B4GALT4: variants seen among roughly 807,000 people sequenced by gnomAD.
The protein encoded by B4GALT4 is N-acetyllactosamine synthase.
B4GALT4 carries 27 observed loss-of-function variants against 37.3 expected under a neutral mutation model. The ratio of observed to expected loss-of-function variants is 0.72; its 90% confidence interval spans 0.53 to 1.00. The LOEUF (loss-of-function observed/expected upper bound fraction) is 1.00. Ranked by LOEUF, B4GALT4 falls within the 50% of genes least tolerant of loss-of-function variation. The pLI is 0.00. For missense variants in B4GALT4, 372 were observed against 413.1 expected, an observed-to-expected ratio of 0.90 and a Z score of 0.86; for synonymous variants, 148 against 154.1, an observed-to-expected ratio of 0.96 and a Z score of 0.29.
intron 5 of B4GALT4, among the ~76,000 whole-genome samples, chr3:119,219,174 C>T (rs1240963769): frequency 6.6e-6 from 1 of 152,290 alleles, no homozygotes; most frequent in Admixed American, 6.5e-5. Context: ...AGCACGAATG[C>T]GTGTCATGAT....
At chr3:119,218,290 A>G (rs1271516004) in intron 6 of B4GALT4, among the ~76,000 whole-genome samples, 3 of 152,178 alleles carry the variant, frequency 2.0e-5, no homozygotes, top group Non-Finnish European at 4.4e-5. Context: ...TGTGTCCCCA[A>G]GGGGTCTGAC....
chr3:119,231,293 A>G (rs1283967920), intron 2 of B4GALT4, among the ~76,000 whole-genome samples: 1 of 152,178 alleles, frequency 6.6e-6, no homozygotes, highest in Non-Finnish European at 1.5e-5. Context: ...AAAATACACT[A>G]AAGTGGTAAA....
intron 5 of B4GALT4, 133 bp downstream of exon 5, chr3:119,223,925 A>T: frequency 1.2e-6 from 1 of 858,192 alleles, no homozygotes; most frequent in Non-Finnish European, 1.7e-6. Context: ...TTGCACTTTA[A>T]GTGATGCATA....
intron 5 of B4GALT4, among the ~76,000 whole-genome samples, chr3:119,222,258 T>G (rs1323321781): frequency 6.6e-6 from 1 of 152,210 alleles, no homozygotes; most frequent in African/African-American, 2.4e-5. Flanking sequence ...GATGGTGACA[T>G]GCTTTTGAAA....
chr3:119,233,818 T>C (rs1223376328), intron 2 of B4GALT4, among the ~76,000 whole-genome samples: 1 of 152,164 alleles, frequency 6.6e-6, no homozygotes, highest in East Asian at 1.9e-4. Flanking sequence ...AATTCTTACC[T>C]ATCTTTCTAA....
At chr3:119,231,881 G>A (rs563749069) in intron 2 of B4GALT4, among the ~76,000 whole-genome samples, 4 of 145,054 alleles carry the variant, frequency 2.8e-5, no homozygotes, top group African/African-American at 1.0e-4. Flanking sequence ...ATATATTTTT[G>A]TATATCACAT....
chr3:119,218,832 AG>A, intron 5 of B4GALT4, 60 bp from the exon 6 acceptor site: 1 of 1,596,774 alleles, frequency 6.3e-7, no homozygotes, highest in Non-Finnish European at 8.5e-7. Flanking sequence ...CTCTGATTTC[AG>A]GGCTGGCGTT....
chr3:119,221,308 A>G (rs897863120), intron 5 of B4GALT4, among the ~76,000 whole-genome samples: 1 of 152,216 alleles, frequency 6.6e-6, no homozygotes, highest in African/African-American at 2.4e-5. Context: ...TGGCTTCATC[A>G]GAGTCTGAGA....
intron 2 of B4GALT4, chr3:119,233,297 G>A (rs532071527): frequency 5.9e-5 from 9 of 152,266 alleles, no homozygotes; most frequent in South Asian, 2.1e-4. Context: ...CCCAAGGCAC[G>A]GGGTACATGG....
chr3:119,230,602 G>A (rs1453911609), intron 2 of B4GALT4, among the ~76,000 whole-genome samples: 1 of 152,134 alleles, frequency 6.6e-6, no homozygotes, highest in Non-Finnish European at 1.5e-5. Flanking sequence ...CCCCTTCCTG[G>A]CACAGTTTTA....
chr3:119,223,200 GCTAC>G (rs1403350027), intron 5 of B4GALT4, among the ~76,000 whole-genome samples: 8 of 152,212 alleles, frequency 5.3e-5, no homozygotes, highest in African/African-American at 1.9e-4. Flanking sequence ...CTCCACTGTA[GCTAC>G]CTGTCTCCCC....
At chr3:119,213,127 G>A (rs1361475771) in intron 7 of B4GALT4, 1 of 152,494 alleles carries the variant, frequency 6.6e-6, no homozygotes, top group African/African-American at 2.4e-5. Flanking sequence ...ATGAATGAAG[G>A]GAGACCTAAC....
intron 7 of B4GALT4, chr3:119,213,852 A>G (rs1396523209): frequency 6.6e-6 from 1 of 152,244 alleles, no homozygotes; most frequent in Non-Finnish European, 1.5e-5. Context: ...CTAGAAAAAC[A>G]TAGAAAATAG....
intron 1 of B4GALT4, among the ~76,000 whole-genome samples, chr3:119,239,085 A>G (rs900076418): frequency 2.0e-5 from 3 of 152,166 alleles, no homozygotes; most frequent in Non-Finnish European, 2.9e-5. Context: ...TAATCCCAGC[A>G]CTTTGGGAGG....
intron 5 of B4GALT4, among the ~76,000 whole-genome samples, chr3:119,221,571 T>C (rs2078450917): frequency 6.6e-6 from 1 of 152,166 alleles, no homozygotes; most frequent in South Asian, 2.1e-4. Flanking sequence ...CCTACCTACA[T>C]TACTTATACA....
Position 119,224,071 on chromosome 3 carries a change from T to G in B4GALT4, c.661A>C (p.Ser221Arg). 2 of 1,613,604 alleles carry G rather than the reference T, an allele frequency of 1.2e-6. No homozygotes were observed. Among genetic ancestry groups the G allele is most frequent in the South Asian group, 2.2e-5 (2 of 90,956 alleles). Residue 221 changes from serine to arginine, a missense_variant, in exon 5 of 8, where the codon AGC (serine) becomes CGC (arginine). Coordinates refer to ENST00000393765, the MANE Select transcript of B4GALT4 (RefSeq NM_003778.4). ...HPKHLVVGRN[S>R]TGYRLRYSGY... Reference sequence around the variant, plus strand: ...GAACCACCTTACCTGTACCCAGTGCTGTTCCTGCCAACCACCAGATGCTTG... The same window carrying G: ...GAACCACCTTACCTGTACCCAGTGCGGTTCCTGCCAACCACCAGATGCTTG...
chr3:119,212,652 A>G lies in B4GALT4; in HGVS notation c.932T>C (p.Val311Ala), dbSNP rs2078190017. 6.2e-7 allele frequency: 1 copy of G among 1,609,684 alleles called. No homozygotes were observed. ...RMKLLHQVSR[V>A]WRTDGLSSCS... The stretch of plus-strand genomic sequence containing the variant: ...ACTACTCAACCCATCTGTTCTCCAG[A>G]CTCGTGACACTTGGTGTAAGAGCTT... The change falls in exon 8 of 8, where the codon GTC (valine) becomes GCC (alanine). Residue 311 changes from valine to alanine, a missense_variant. Coordinates refer to ENST00000393765, the MANE Select transcript of B4GALT4 (RefSeq NM_003778.4).
Position 119,224,079 on chromosome 3 carries a change from C to A in B4GALT4, c.653G>T (p.Gly218Val). The A allele has an allele frequency of 2.5e-6, 4 of 1,613,480 alleles. No homozygotes were observed. The South Asian group carries it at 3.3e-5, about 13-fold the overall frequency. The change falls in exon 5 of 8, where the codon GGC becomes GTC. Residue 218 changes from glycine to valine, a missense_variant. Transcript: ENST00000393765. Reference protein sequence around the residue: ...CEEHPKHLVVGRNSTGYRLRY... With the variant: ...CEEHPKHLVVVRNSTGYRLRY... ...TTACCTGTACCCAGTGCTGTTCCTG[C>A]CAACCACCAGATGCTTGGGATGCTC...
chr3:119,218,657 T>G lies in B4GALT4; in HGVS notation c.790A>C (p.Arg264=). The G allele has an allele frequency of 6.2e-7, 1 of 1,614,198 alleles. No individual in the cohort carries two copies. Among genetic ancestry groups the G allele is most frequent in the Non-Finnish European group, 8.5e-7 (1 of 1,180,028 alleles). Residue 264 remains arginine, a synonymous_variant, in exon 6 of 8, where the codon AGA becomes CGA. Coordinates refer to ENST00000393765, the MANE Select transcript of B4GALT4 (RefSeq NM_003778.4). The part of the protein sequence containing the change: ...WGWGGEDDDL[R]LRVELQRMKI... ...CCTTTCTCTGTTGTTCACCTGAGTC[T>G]GAGGTCATCGTCTTCGCCTCCCCAT...
Sources: gnomAD v4.1 joint callset for allele counts (sites outside exome capture counted in the v4.1 genomes callset) on GRCh38, gnomAD v4.1.1 for gene constraint, MANE v1.5 for transcripts, NCBI Gene and HGNC (gene_info 2026-07-23, HGNC 2026-07-21) for gene names.